The following SGCZ variants were observed in gnomAD, a reference collection of about 807,000 sequenced individuals.
SGCZ encodes the protein sarcoglycan zeta.
A neutral mutation model predicts 41.3 loss-of-function variants in SGCZ; 40 were observed. That is an observed-to-expected ratio of 0.97 (90% CI 0.75 to 1.26). SGCZ has a LOEUF of 1.26. Among genes scored for constraint, SGCZ ranks in the 50% most tolerant of loss-of-function variants. SGCZ has a pLI of 0.00. For missense variants in SGCZ, 552 were observed against 369.8 expected (o/e 1.49, Z -4.04); for synonymous variants, 206 against 137.5 (o/e 1.50, Z -3.49).
intron 4 of SGCZ, among the ~76,000 whole-genome samples, chr8:14,171,481 C>G (rs1804379967): frequency 6.6e-6 from 1 of 151,936 alleles, no homozygotes; most frequent in African/African-American, 2.4e-5. Context: ...GTAGTATAAT[C>G]TCCTAGTACC....
intron 1 of SGCZ, among the ~76,000 whole-genome samples, chr8:14,935,420 ACT>A (rs1419863677): frequency 6.6e-6 from 1 of 150,528 alleles, no homozygotes; most frequent in Non-Finnish European, 1.5e-5. Flanking sequence ...CATCTGGGTC[ACT>A]CTGTTATTTT....
chr8:14,155,299 G>GT (rs199924575), intron 5 of SGCZ, among the ~76,000 whole-genome samples: 13 of 151,990 alleles, frequency 8.6e-5, no homozygotes, highest in South Asian at 2.1e-4. Flanking sequence ...TAATATAGAA[G>GT]TTTTTTTTCT....
intron 1 of SGCZ, among the ~76,000 whole-genome samples, chr8:14,905,496 C>T (rs1273730283): frequency 2.0e-5 from 3 of 151,970 alleles, no homozygotes; most frequent in Non-Finnish European, 4.4e-5. Context: ...CTTGGAGAGC[C>T]AATGTGGACC....
At chr8:14,832,844 T>C (rs1802578658) in intron 1 of SGCZ, among the ~76,000 whole-genome samples, 1 of 152,178 alleles carries the variant, frequency 6.6e-6, no homozygotes, top group African/African-American at 2.4e-5. Context: ...TTTTCTAATA[T>C]GTATGTTGCA....
chr8:14,713,182 T>C (rs1177466489), intron 1 of SGCZ, among the ~76,000 whole-genome samples: 1 of 152,182 alleles, frequency 6.6e-6, no homozygotes, highest in Non-Finnish European at 1.5e-5. Flanking sequence ...GTTGTTCAGA[T>C]AACATGCATA....
intron 3 of SGCZ, among the ~76,000 whole-genome samples, chr8:14,284,205 A>G (rs1800542167): frequency 6.6e-6 from 1 of 152,188 alleles, no homozygotes; most frequent in South Asian, 2.1e-4. Flanking sequence ...AGCCTAGGTA[A>G]TATAGTGGAA....
At chr8:15,057,258 G>T (rs2131003974) in intron 1 of SGCZ, among the ~76,000 whole-genome samples, 1 of 152,288 alleles carries the variant, frequency 6.6e-6, no homozygotes, top group Non-Finnish European at 1.5e-5. Context: ...GCAAGAATAT[G>T]CAGGAAGGTT....
chr8:14,689,337 T>G (rs1046598548), intron 1 of SGCZ, among the ~76,000 whole-genome samples: 1 of 152,152 alleles, frequency 6.6e-6, no homozygotes, highest in Non-Finnish European at 1.5e-5. Context: ...AATAATTTTA[T>G]GATTATGTGG....
At chr8:14,139,587 A>C (rs1433924741) in intron 5 of SGCZ, among the ~76,000 whole-genome samples, 1 of 152,224 alleles carries the variant, frequency 6.6e-6, no homozygotes, top group Non-Finnish European at 1.5e-5. Flanking sequence ...TAGAAAATCT[A>C]GAAGAAAATG....
At position 14,958,598 on chromosome 8, in the gene SGCZ, C is replaced by T. The variant is rs1800866794; in HGVS notation, c.39+278987G>A. On this transcript the variant is annotated intron_variant, in intron 1 of 7. Coordinates refer to ENST00000382080, the MANE Select transcript of SGCZ (RefSeq NM_139167.4). ...CTGACTAGAAAGGATAATGAAAGAA[C>T]ATTCTAGGTGGTCCAGTCTACATCT... 2.0e-5 allele frequency among the ~76,000 whole-genome samples: 3 copies of T among 151,922 alleles called. No individual in the cohort carries two copies. The South Asian group carries it at 6.2e-4, about 31-fold the overall frequency.
intron 4 of SGCZ, among the ~76,000 whole-genome samples, chr8:14,180,408 A>G (rs1021893503): frequency 6.6e-6 from 1 of 152,164 alleles, no homozygotes; most frequent in Admixed American, 6.5e-5. Context: ...CTACCAGGCC[A>G]ACCACCATAT....
intron 1 of SGCZ, among the ~76,000 whole-genome samples, chr8:15,010,981 T>G (rs1174403614): frequency 6.6e-6 from 1 of 152,234 alleles, no homozygotes; most frequent in African/African-American, 2.4e-5. Flanking sequence ...GTGCTTCATC[T>G]ATTGTGCAGG....
intron 1 of SGCZ, among the ~76,000 whole-genome samples, chr8:15,175,605 T>C (rs1802113855): frequency 1.3e-5 from 2 of 152,138 alleles, no homozygotes; most frequent in African/African-American, 4.8e-5. Flanking sequence ...AATACCTGGA[T>C]GTTGAAATAA....
At chr8:14,710,744 A>T (rs1809490009) in intron 1 of SGCZ, among the ~76,000 whole-genome samples, 1 of 152,216 alleles carries the variant, frequency 6.6e-6, no homozygotes, top group Non-Finnish European at 1.5e-5. Flanking sequence ...AACCAAAAAA[A>T]TACTAATTGT....
intron 1 of SGCZ, among the ~76,000 whole-genome samples, chr8:15,205,099 T>C (rs9918843): frequency 0.87 from 132,060 of 152,128 alleles, 57,466 homozygotes; most frequent in Non-Finnish European, 0.9. Context: ...TGACTCCCTG[T>C]AAAATCAATT....
chr8:14,291,640 A>C (rs917107964), intron 3 of SGCZ, among the ~76,000 whole-genome samples: 1 of 150,440 alleles, frequency 6.6e-6, no homozygotes, highest in Admixed American at 6.7e-5. Flanking sequence ...TAAATTTTAG[A>C]AGACAAAAAA....
At chr8:14,299,414 G>C (rs1476745435) in intron 3 of SGCZ, among the ~76,000 whole-genome samples, 1 of 151,940 alleles carries the variant, frequency 6.6e-6, no homozygotes, top group Non-Finnish European at 1.5e-5. Context: ...ATATATATCT[G>C]AGAAAGGATT....
chr8:14,378,668 C>G (rs914327490), intron 2 of SGCZ, among the ~76,000 whole-genome samples: 1 of 152,118 alleles, frequency 6.6e-6, no homozygotes, highest in Non-Finnish European at 1.5e-5. Flanking sequence ...GTATAGGTAG[C>G]CTAGGATTTG....
intron 4 of SGCZ, among the ~76,000 whole-genome samples, chr8:14,197,451 A>T (rs1048221564): frequency 1.3e-5 from 2 of 152,250 alleles, no homozygotes. Context: ...ATGATAATAC[A>T]TCATAGATAA....
Sources: gnomAD v4.1 joint callset for allele counts (sites outside exome capture counted in the v4.1 genomes callset) on GRCh38, gnomAD v4.1.1 for gene constraint, MANE v1.5 for transcripts, NCBI Gene and HGNC (gene_info 2026-07-23, HGNC 2026-07-21) for gene names.